GALNTL6: variants seen among roughly 807,000 people sequenced by gnomAD.
The protein encoded by GALNTL6 is polypeptide N-acetylgalactosaminyltransferase like 6.
GALNTL6 carries 46 observed loss-of-function variants against 73.7 expected under a neutral mutation model. That is an observed-to-expected ratio of 0.62 (90% CI 0.49 to 0.80). The LOEUF (loss-of-function observed/expected upper bound fraction) is 0.80, where lower values mean the gene tolerates loss of function less well. GALNTL6 is among the 30% of genes least tolerant of loss of function. The pLI, the probability that GALNTL6 is intolerant of heterozygous loss-of-function variation, is 0.00. For synonymous variants in GALNTL6, 259 were observed against 263.7 expected (o/e 0.98, Z 0.17); for missense variants, 604 against 755.0 (o/e 0.80, Z 2.34).
At chr4:171,868,487 A>T (rs911514042) in intron 2 of GALNTL6, among the ~76,000 whole-genome samples, 1 of 152,166 alleles carries the variant, frequency 6.6e-6, no homozygotes, top group Non-Finnish European at 1.5e-5. Context: ...CCCCTCTGAA[A>T]TAAGTGGCTC....
Position 172,080,849 on chromosome 4 carries a change from A to G in GALNTL6, c.139-148807A>G, listed in dbSNP as rs190784387. Among the ~76,000 whole-genome samples, 306 of 151,820 alleles carry G rather than the reference A, an allele frequency of 2.0e-3. 1 individual carries two copies. Among genetic ancestry groups the G allele is most frequent in the African/African-American group, 6.9e-3 (286 of 41,514 alleles). ...AATTTATATTTAATTTTTTAAATTT[A>G]TATTTTATATTGTAGTATATAAATT... On this transcript the variant is annotated intron_variant, in intron 2 of 12. Transcript: ENST00000506823.
At chr4:172,861,962 G>A (rs572898447) in intron 7 of GALNTL6, among the ~76,000 whole-genome samples, 15 of 152,250 alleles carry the variant, frequency 9.9e-5, no homozygotes, top group East Asian at 1.9e-4. Context: ...AATTGGTACC[G>A]ATAGAATGGG....
chr4:172,368,951 C>A (rs989715633), intron 5 of GALNTL6, among the ~76,000 whole-genome samples: 1 of 152,112 alleles, frequency 6.6e-6, no homozygotes, highest in Admixed American at 6.6e-5. Context: ...CTCATAAAGG[C>A]GGCACAGACC....
chr4:172,259,932 A>C (rs751064456), intron 3 of GALNTL6, among the ~76,000 whole-genome samples: 5 of 151,514 alleles, frequency 3.3e-5, no homozygotes, highest in Non-Finnish European at 7.4e-5. Flanking sequence ...GTTTGGGTTT[A>C]TTTCTGGGTT....
chr4:172,684,611 G>C (rs1484954874), intron 5 of GALNTL6, among the ~76,000 whole-genome samples: 1 of 152,208 alleles, frequency 6.6e-6, no homozygotes, highest in Non-Finnish European at 1.5e-5. Context: ...TGGATGGGTA[G>C]TACCTAAATT....
At chr4:172,627,874 C>A (rs1295240014) in intron 5 of GALNTL6, among the ~76,000 whole-genome samples, 1 of 151,258 alleles carries the variant, frequency 6.6e-6, no homozygotes, top group Non-Finnish European at 1.5e-5. Context: ...CCTGATTGTG[C>A]TTATTTGGAT....
chr4:171,949,396 G>T (rs1738800051), intron 2 of GALNTL6, among the ~76,000 whole-genome samples: 1 of 152,146 alleles, frequency 6.6e-6, no homozygotes, highest in African/African-American at 2.4e-5. Context: ...GCTAGGGGAA[G>T]AAATAAATAC....
chr4:172,153,400 T>A (rs1190395234), intron 2 of GALNTL6, among the ~76,000 whole-genome samples: 1 of 152,160 alleles, frequency 6.6e-6, no homozygotes, highest in African/African-American at 2.4e-5. Context: ...GGCCTAAGTA[T>A]TAGGGATTTT....
intron 5 of GALNTL6, among the ~76,000 whole-genome samples, chr4:172,439,453 C>T (rs570212142): frequency 5.7e-5 from 8 of 140,378 alleles, no homozygotes; most frequent in South Asian, 2.5e-4. Flanking sequence ...CGTCATGACT[C>T]GCTGGTTGTT....
intron 3 of GALNTL6, among the ~76,000 whole-genome samples, chr4:172,253,016 C>G (rs1737935750): frequency 6.6e-6 from 1 of 151,918 alleles, no homozygotes; most frequent in Non-Finnish European, 1.5e-5. Context: ...ACAAAAGCTG[C>G]ACTTTTCTGA....
At position 172,208,977 on chromosome 4, in the gene GALNTL6, A is replaced by C. The variant is rs554828508; in HGVS notation, c.139-20679A>C. Among the ~76,000 whole-genome samples, 83 of 152,268 alleles carry C rather than the reference A, an allele frequency of 5.5e-4. 1 individual carries two copies. The highest frequency in any genetic ancestry group is 2.0e-3 in the African/African-American group (83 of 41,580). On this transcript the variant is annotated intron_variant, in intron 2 of 12. Transcript: ENST00000506823. ...AAGCATAAATAATTGCACAAAATAC[A>C]TGAGAAAGGTTAAACTACAGGAGTT...
chr4:172,893,289 G>C (rs1746137840), intron 8 of GALNTL6, among the ~76,000 whole-genome samples: 1 of 150,620 alleles, frequency 6.6e-6, no homozygotes, highest in South Asian at 2.1e-4. Flanking sequence ...GGGGCACCCA[G>C]CTCCCACGCC....
At chr4:173,024,391 T>C (rs1753144240) in intron 12 of GALNTL6, among the ~76,000 whole-genome samples, 1 of 152,254 alleles carries the variant, frequency 6.6e-6, no homozygotes, top group Admixed American at 6.5e-5. Context: ...ATGGAAAGTT[T>C]CTGAAATATC....
intron 8 of GALNTL6, among the ~76,000 whole-genome samples, chr4:172,927,789 C>T (rs1200413061): frequency 6.6e-6 from 1 of 152,106 alleles, no homozygotes; most frequent in East Asian, 1.9e-4. Flanking sequence ...GTTTCAAAAA[C>T]AAATGCCCCA....
intron 5 of GALNTL6, among the ~76,000 whole-genome samples, chr4:172,497,987 A>AGTTCTT (rs1373032356): frequency 1.6e-5 from 1 of 61,194 alleles, no homozygotes; most frequent in African/African-American, 6.1e-5. Flanking sequence ...GGAATGTCAC[A>AGTTCTT]TTTCTTTTTT....
At chr4:172,884,272 C>A (rs943113308) in intron 8 of GALNTL6, among the ~76,000 whole-genome samples, 7 of 152,120 alleles carry the variant, frequency 4.6e-5, no homozygotes, top group African/African-American at 7.2e-5. Context: ...TGCATCCTTG[C>A]CAGGATTTTT....
intron 10 of GALNTL6, among the ~76,000 whole-genome samples, chr4:172,964,726 C>A (rs79702118): frequency 9.2e-5 from 14 of 152,158 alleles, no homozygotes. Flanking sequence ...TCAGCTTACA[C>A]GAAAGGAAGT....
rs150103139 is a variant in GALNTL6, at chr4:172,963,546, G to A, written c.1371+11288G>A. On this transcript the variant is annotated intron_variant, in intron 10 of 12. Coordinates refer to ENST00000506823, the MANE Select transcript of GALNTL6 (RefSeq NM_001034845.3). ...AGACATAGTGTCTAGCATATAGTAG[G>A]TGCTTCATAAATATTTGTTGAATGA... 3.5e-3 allele frequency among the ~76,000 whole-genome samples: 529 copies of A among 152,280 alleles called. 2 individuals carry two copies. The highest frequency in any genetic ancestry group is 0.012 in the African/African-American group (506 of 41,546).
chr4:173,039,857 T>G, intron 12 of GALNTL6, 76 bp from the exon 13 acceptor site: 1 of 1,077,488 alleles, frequency 9.3e-7, no homozygotes, highest in South Asian at 1.6e-5. Flanking sequence ...AGAAATATCT[T>G]ACTTCTGTAT....
Sources: gnomAD v4.1 joint callset for allele counts (sites outside exome capture counted in the v4.1 genomes callset) on GRCh38, gnomAD v4.1.1 for gene constraint, MANE v1.5 for transcripts, NCBI Gene and HGNC (gene_info 2026-07-23, HGNC 2026-07-21) for gene names.